Variants in PCDH15 observed in about 807,000 individuals in gnomAD.
PCDH15 encodes protocadherin-15.
PCDH15 carries 129 observed loss-of-function variants against 178.5 expected under a neutral mutation model. The observed-to-expected ratio is 0.72, with a 90% CI of 0.63 to 0.84. The LOEUF is 0.84. Among genes scored for constraint, PCDH15 ranks in the 40% least tolerant of loss-of-function variants. The pLI is 0.00. For missense variants in PCDH15, 2,230 were observed against 2,099.9 expected (o/e 1.06, Z -1.21); for synonymous variants, 800 against 732.0 (o/e 1.09, Z -1.50).
At chr10:54,306,713 C>T (rs2060493209) in intron 8 of PCDH15, among the ~76,000 whole-genome samples, 2 of 151,564 alleles carry the variant, frequency 1.3e-5, no homozygotes, top group South Asian at 4.2e-4. Flanking sequence ...AGGCTCCATT[C>T]CCTCTGGTCA....
chr10:53,972,969 C>G (rs12255027), intron 21 of PCDH15, among the ~76,000 whole-genome samples: 2,207 of 152,214 alleles, frequency 0.014, 50 homozygotes, highest in African/African-American at 0.048. Flanking sequence ...ATAAATCATG[C>G]TGCTATAAAG....
intron 2 of PCDH15, among the ~76,000 whole-genome samples, chr10:55,576,013 C>T (rs550077774): frequency 2.8e-4 from 43 of 152,236 alleles, no homozygotes; most frequent in African/African-American, 9.6e-4. Flanking sequence ...TATTCACCAC[C>T]TCACTGAATA....
intron 2 of PCDH15, among the ~76,000 whole-genome samples, chr10:54,582,886 C>T (rs1469741265): frequency 6.6e-6 from 1 of 151,594 alleles, no homozygotes; most frequent in Non-Finnish European, 1.5e-5. Context: ...AACCTGTTTC[C>T]AAAAAAATAA....
chr10:54,180,372 C>T (rs1354236052), intron 13 of PCDH15, among the ~76,000 whole-genome samples: 1 of 152,178 alleles, frequency 6.6e-6, no homozygotes, highest in African/African-American at 2.4e-5. Context: ...GAAAAATATA[C>T]TGTACTTAAA....
chr10:53,947,138 A>G (rs1226538670), intron 23 of PCDH15, among the ~76,000 whole-genome samples: 2 of 152,174 alleles, frequency 1.3e-5, no homozygotes, highest in East Asian at 3.8e-4. Flanking sequence ...AAATCTTTCA[A>G]CTGAGTATAT....
chr10:54,577,883 TAAATAAATAA>T (rs1180247743), intron 2 of PCDH15, among the ~76,000 whole-genome samples: 39 of 140,502 alleles, frequency 2.8e-4, no homozygotes, highest in South Asian at 1.1e-3. Flanking sequence ...AATAAATAAA[TAAATAAATAA>T]ATATTCCTCT....
At chr10:54,785,163 CT>C (rs1410246363) in intron 1 of PCDH15, among the ~76,000 whole-genome samples, 1 of 151,710 alleles carries the variant, frequency 6.6e-6, no homozygotes, top group Non-Finnish European at 1.5e-5. Context: ...AAATGCCTTT[CT>C]TTTTTACTCT....
chr10:54,342,282 T>C (rs999316971), intron 6 of PCDH15, among the ~76,000 whole-genome samples: 6 of 152,274 alleles, frequency 3.9e-5, no homozygotes, highest in East Asian at 3.9e-4. Context: ...GCCCCACTGC[T>C]CTGTGCAGCC....
chr10:54,514,591 G>C (rs1047425815), intron 3 of PCDH15, among the ~76,000 whole-genome samples: 1 of 148,386 alleles, frequency 6.7e-6, no homozygotes, highest in African/African-American at 2.5e-5. Flanking sequence ...TATTTTGTGA[G>C]ATTTAGCTGG....
chr10:55,622,855 T>C (rs111896793), intron 2 of PCDH15, among the ~76,000 whole-genome samples: 52 of 152,228 alleles, frequency 3.4e-4, no homozygotes, highest in African/African-American at 1.1e-3. Context: ...ACCGAGGCAT[T>C]ATGATTTCTC....
intron 2 of PCDH15, among the ~76,000 whole-genome samples, chr10:54,972,884 T>C (rs1838973924): frequency 6.8e-6 from 1 of 147,224 alleles, no homozygotes; most frequent in South Asian, 2.1e-4. Context: ...TACTCAGAGA[T>C]TTTTACCTAG....
chr10:55,268,327 A>C (rs1222344009), intron 1 of PCDH15, among the ~76,000 whole-genome samples: 1 of 152,164 alleles, frequency 6.6e-6, no homozygotes, highest in Non-Finnish European at 1.5e-5. Context: ...CACCAACCCC[A>C]CATATGTACA....
chr10:54,157,131 G>T (rs2045239174), intron 13 of PCDH15, among the ~76,000 whole-genome samples: 1 of 152,190 alleles, frequency 6.6e-6, no homozygotes, highest in Admixed American at 6.5e-5. Flanking sequence ...CTGGGCTCTG[G>T]AGGACAGTGG....
chr10:54,648,401 G>A (rs73253040), intron 2 of PCDH15, among the ~76,000 whole-genome samples: 13,495 of 152,068 alleles, frequency 0.089, 1,668 homozygotes, highest in African/African-American at 0.28. Context: ...GCTTTGGATT[G>A]TTATCTGTCT....
At chr10:54,575,179 T>C (rs560102612) in intron 2 of PCDH15, 258 of 141,672 alleles carry the variant, frequency 1.8e-3, no homozygotes, top group African/African-American at 6.2e-3. Flanking sequence ...AGGGATAGCA[T>C]TGGGAGATAT....
chr10:55,582,740 T>A (rs1326367453), intron 2 of PCDH15, among the ~76,000 whole-genome samples: 1 of 150,560 alleles, frequency 6.6e-6, no homozygotes, highest in Non-Finnish European at 1.5e-5. Context: ...AAATGTGGCT[T>A]CGAATAAATA....
chr10:55,551,680 T>C (rs1425380465), intron 2 of PCDH15, among the ~76,000 whole-genome samples: 2 of 151,806 alleles, frequency 1.3e-5, no homozygotes, highest in African/African-American at 4.8e-5. Context: ...ACTCTAAGAA[T>C]ACACATTTTC....
intron 2 of PCDH15, among the ~76,000 whole-genome samples, chr10:55,394,790 A>G: frequency 6.6e-6 from 1 of 152,188 alleles, no homozygotes; most frequent in East Asian, 1.9e-4. Flanking sequence ...GTGTTTGGAT[A>G]TATTATAAAA....
chr10:55,591,811 T>C (rs1842847506), intron 2 of PCDH15, among the ~76,000 whole-genome samples: 1 of 152,094 alleles, frequency 6.6e-6, no homozygotes, highest in Admixed American at 6.6e-5. Flanking sequence ...TAAAAAGCAA[T>C]GCATGTATAC....
Sources: allele counts gnomAD v4.1 joint callset (sites outside exome capture counted in the v4.1 genomes callset), GRCh38; gene constraint gnomAD v4.1.1; transcripts MANE v1.5; gene names NCBI Gene and HGNC (gene_info 2026-07-23, HGNC 2026-07-21).